Variants in G3BP2 observed in about 807,000 individuals in gnomAD.
G3BP2 encodes ras GTPase-activating protein-binding protein 2.
Under a neutral mutation model 56.7 loss-of-function variants are expected in G3BP2, and 11 were observed. The ratio of observed to expected loss-of-function variants is 0.19; its 90% CI spans 0.12 to 0.32. The LOEUF (loss-of-function observed/expected upper bound fraction) is 0.32, where lower values mean the gene tolerates loss of function less well. G3BP2 is among the 10% of genes least tolerant of loss of function. The pLI, the probability that G3BP2 is intolerant of heterozygous loss-of-function variation, is 1.00. For synonymous variants in G3BP2, 165 were observed against 191.6 expected, an observed-to-expected ratio of 0.86 and a Z score of 1.15; for missense variants, 340 against 610.9, an observed-to-expected ratio of 0.56 and a Z score of 4.67.
At position 75,655,812 on chromosome 4, in the gene G3BP2, C is replaced by T. The variant is rs1732054496; in HGVS notation, c.501G>A (p.Val167=). The change falls in exon 6 of 12, where the codon GTG becomes GTA. Residue 167 remains valine (V), a synonymous_variant. Transcript: ENST00000359707. ...AGTAACCACTGTTAGCATTTTCTTG[C>T]ACAGGTTCAGGAGATGGTTGTCTTT... The part of the protein sequence containing the change: ...QEERQPSPEP[V]QENANSGYYE... 3 of 1,605,124 alleles carry T rather than the reference C, an allele frequency of 1.9e-6. No individual in the cohort carries two copies. The Admixed American group carries it at 5.0e-5, about 27-fold the overall frequency.
chr4:75,684,264 G>A (rs1050803452), intron 3 of G3BP2, among the ~76,000 whole-genome samples: 1 of 151,968 alleles, frequency 6.6e-6, no homozygotes, highest in Non-Finnish European at 1.5e-5. Context: ...AATTAGCCAG[G>A]CATGGTGGCA....
intron 8 of G3BP2, among the ~76,000 whole-genome samples, chr4:75,653,069 A>T (rs572963485): frequency 1.3e-5 from 2 of 152,200 alleles, no homozygotes; most frequent in South Asian, 4.1e-4. Context: ...CATCTTACAT[A>T]AGGGTAACCA....
intron 3 of G3BP2, among the ~76,000 whole-genome samples, chr4:75,700,585 T>C (rs1207343895): frequency 6.9e-6 from 1 of 145,494 alleles, no homozygotes; most frequent in Non-Finnish European, 1.5e-5. Context: ...CACACCCAGC[T>C]AATTTTTGTA....
chr4:75,645,356 CAA>C lies in G3BP2; in HGVS notation c.*72_*73del. On this transcript the variant is annotated 3_prime_UTR_variant, in exon 12 of 12. Coordinates refer to ENST00000359707, the MANE Select transcript of G3BP2 (RefSeq NM_203505.3). Reference sequence around the variant, plus strand: ...AAAAGGCTGTGTCACATTCCAAAGCCAAAAAAAAAATTAACAAGAATGCAAAC... The same window carrying C: ...AAAAGGCTGTGTCACATTCCAAAGCCAAAAAAAATTAACAAGAATGCAAAC... The C allele has an allele frequency of 4.6e-6, 6 of 1,290,684 alleles. No individual in the cohort carries two copies. The highest frequency in any genetic ancestry group is 6.3e-6 in the Non-Finnish European group (6 of 950,270). 80.0% of individuals were successfully genotyped at this position (1,290,684 alleles called of 1,614,324 possible).
chr4:75,718,940 G>C (rs948150155), intron 3 of G3BP2, among the ~76,000 whole-genome samples: 4 of 152,310 alleles, frequency 2.6e-5, no homozygotes, highest in African/African-American at 9.6e-5. Flanking sequence ...CCAGATAACA[G>C]GGAAATTGGC....
At chr4:75,705,453 T>C (rs752004824) in intron 3 of G3BP2, among the ~76,000 whole-genome samples, 8 of 152,260 alleles carry the variant, frequency 5.3e-5, no homozygotes, top group Non-Finnish European at 1.0e-4. Flanking sequence ...TCCTGTGTAT[T>C]GTCTCTAGTC....
At chr4:75,697,671 C>T (rs1487835633) in intron 3 of G3BP2, among the ~76,000 whole-genome samples, 1 of 152,070 alleles carries the variant, frequency 6.6e-6, no homozygotes, top group Non-Finnish European at 1.5e-5. Context: ...CAGTGTCTCA[C>T]GCCTGTAATC....
At chr4:75,681,199 C>T (rs1734058047) in intron 3 of G3BP2, among the ~76,000 whole-genome samples, 1 of 151,540 alleles carries the variant, frequency 6.6e-6, no homozygotes, top group South Asian at 2.1e-4. Context: ...TGGCATGCAC[C>T]TGTAGTCCCA....
intron 8 of G3BP2, 57 bp from the exon 9 acceptor site, chr4:75,648,798 C>A: frequency 1.0e-6 from 1 of 1,001,360 alleles, no homozygotes; most frequent in Admixed American, 1.9e-5. Context: ...GAAAAACCAA[C>A]CAAAGCACCT....
At position 75,653,996 on chromosome 4, in the gene G3BP2, G is replaced by A; in HGVS notation, c.812C>T (p.Ala271Val). 1 of 1,527,938 alleles carries A rather than the reference G, an allele frequency of 6.5e-7. No homozygotes were observed. Among genetic ancestry groups the A allele is most frequent in the Non-Finnish European group, 9.1e-7 (1 of 1,101,624 alleles). The allele number at this position is 1,527,938 out of a possible 1,614,324, so 94.6% of individuals were successfully genotyped here. Residue 271 changes from alanine (A) to valine (V), a missense_variant, in exon 8 of 12, where the codon GCA becomes GTA. This residue lies in a region of G3BP2 where 224 missense variants were observed against 332.5 expected (regional missense o/e 0.67). Transcript: ENST00000359707. ...SSSGIPPHVK[A>V]PVSQPRVEAK... ...CAGATTGGTTACCTGTGAGACTGGTGCTTTAACATGGGGTGGAATTCCAGA... is the reference window on the plus strand; with the variant it reads ...CAGATTGGTTACCTGTGAGACTGGTACTTTAACATGGGGTGGAATTCCAGA...
intron 3 of G3BP2, among the ~76,000 whole-genome samples, chr4:75,718,592 T>A (rs150782607): frequency 6.6e-6 from 1 of 152,220 alleles, no homozygotes; most frequent in Non-Finnish European, 1.5e-5. Context: ...GAAATGTGAA[T>A]GTCCCTGTTC....
intron 1 of G3BP2, 131 bp downstream of exon 1, chr4:75,673,077 A>G (rs1305968798): frequency 2.9e-6 from 3 of 1,021,978 alleles, no homozygotes; most frequent in Non-Finnish European, 3.5e-6. Flanking sequence ...GCCGGCAAGA[A>G]CAATGTCTCT....
At chr4:75,670,786 G>C (rs1258204821) in intron 1 of G3BP2, among the ~76,000 whole-genome samples, 1 of 151,884 alleles carries the variant, frequency 6.6e-6, no homozygotes, top group Non-Finnish European at 1.5e-5. Context: ...TTTGAAATCA[G>C]GTCTCCTGAC....
Position 75,655,150 on chromosome 4 carries a change from C to T in G3BP2, c.642G>A (p.Glu214=). The T allele has an allele frequency of 6.2e-7, 1 of 1,613,364 alleles. No individual in the cohort carries two copies. The highest frequency in any genetic ancestry group is 2.2e-5 in the East Asian group (1 of 44,866). Residue 214 remains glutamate, a synonymous_variant, in exon 7 of 12, where the codon GAG becomes GAA. Transcript: ENST00000359707. The part of the protein sequence containing the change: ...TKTEELKPQV[E]EKNLEELEEK... ...CCTCTAGTTCTTCTAAGTTCTTCTC[C>T]TCCACTTGTGGTTTCAGCTCTTCAG... is the stretch of plus-strand genomic sequence containing the variant.
intron 3 of G3BP2, among the ~76,000 whole-genome samples, chr4:75,696,447 C>T (rs1436247857): frequency 1.3e-5 from 2 of 152,142 alleles, no homozygotes; most frequent in African/African-American, 2.4e-5. Context: ...TGGAAGCCAG[C>T]GGCTCCCTAA....
At position 75,654,020 on chromosome 4, in the gene G3BP2, GA is replaced by G; in HGVS notation, c.787del (p.Ser263LeufsTer62). 1 of 1,595,086 alleles carries G rather than the reference GA, an allele frequency of 6.3e-7. No individual in the cohort carries two copies. The highest frequency in any genetic ancestry group is 8.6e-7 in the Non-Finnish European group (1 of 1,162,790). On this transcript the variant is annotated frameshift_variant, in exon 8 of 12. Coordinates refer to ENST00000359707, the MANE Select transcript of G3BP2 (RefSeq NM_203505.3). LOFTEE classifies it high-confidence loss of function. ...TGCTTTAACATGGGGTGGAATTCCA[GA>G]GGAAGAAACAGTACCACTAGGAGGC... Reference protein sequence around the residue: ...NLPPSGTVSSSGIPPHVKAPV... With the variant: ...NLPPSGTVSSXGIPPHVKAPV...
chr4:75,694,089 A>T (rs1330585416), intron 3 of G3BP2, among the ~76,000 whole-genome samples: 1 of 152,196 alleles, frequency 6.6e-6, no homozygotes, highest in Non-Finnish European at 1.5e-5. Flanking sequence ...TCCCTAAACT[A>T]GATGTTCAGT....
intron 3 of G3BP2, among the ~76,000 whole-genome samples, chr4:75,679,944 G>T (rs1202352241): frequency 1.3e-5 from 2 of 152,162 alleles, no homozygotes; most frequent in Non-Finnish European, 2.9e-5. Context: ...TCCAGAAAAT[G>T]ACTTTGAAAA....
chr4:75,646,485 T>A, intron 10 of G3BP2, 29 bp from the exon 11 acceptor site: 1 of 1,174,920 alleles, frequency 8.5e-7, no homozygotes, highest in Non-Finnish European at 1.3e-6. Flanking sequence ...CATCAAGGGT[T>A]AAATATTTTT....
Sources: gnomAD v4.1 joint callset for allele counts (sites outside exome capture counted in the v4.1 genomes callset) on GRCh38, gnomAD v4.1.1 for gene constraint, gnomAD v4.1.1 regional missense constraint, MANE v1.5 for transcripts, NCBI Gene and HGNC (gene_info 2026-07-23, HGNC 2026-07-21) for gene names.